Variants in PTH2R observed in about 807,000 individuals in gnomAD.
The protein encoded by PTH2R is PTH2 receptor.
A neutral mutation model predicts 60.3 loss-of-function variants in PTH2R; 59 were observed. The observed-to-expected ratio is 0.98, with a 90% confidence interval of 0.79 to 1.22. PTH2R has a LOEUF of 1.22. PTH2R is among the 50% of genes most tolerant of loss of function. The pLI is 0.00. For synonymous variants in PTH2R, 256 were observed against 243.8 expected (o/e 1.05, Z -0.47); for missense variants, 749 against 682.6 (o/e 1.10, Z -1.08).
At chr2:208,453,794 C>G (rs1702456017) in intron 8 of PTH2R, among the ~76,000 whole-genome samples, 2 of 152,194 alleles carry the variant, frequency 1.3e-5, no homozygotes, top group South Asian at 2.1e-4. Context: ...ATGACTAATG[C>G]TGTGAGTTTG....
At chr2:208,365,676 G>T (rs756208833) in intron 1 of PTH2R, among the ~76,000 whole-genome samples, 1 of 149,964 alleles carries the variant, frequency 6.7e-6, no homozygotes, top group African/African-American at 2.4e-5. Context: ...CACTAATGCT[G>T]CCCCTCAAAG....
At chr2:208,441,496 A>C (rs1379190594) in intron 4 of PTH2R, among the ~76,000 whole-genome samples, 1 of 152,246 alleles carries the variant, frequency 6.6e-6, no homozygotes, top group Non-Finnish European at 1.5e-5. Flanking sequence ...GAGTTTCCCC[A>C]TTTAGTCTAT....
intron 1 of PTH2R, among the ~76,000 whole-genome samples, chr2:208,384,382 T>C (rs1288787172): frequency 6.6e-6 from 1 of 152,200 alleles, no homozygotes; most frequent in Non-Finnish European, 1.5e-5. Context: ...GATCGTGATA[T>C]CCAGTTTGAG....
chr2:208,412,070 C>A (rs577072169), intron 1 of PTH2R, among the ~76,000 whole-genome samples: 9 of 152,162 alleles, frequency 5.9e-5, no homozygotes, highest in Non-Finnish European at 1.3e-4. Flanking sequence ...TTTTCTCTTC[C>A]TTTTATTTCT....
At chr2:208,421,288 T>A (rs992301543) in intron 1 of PTH2R, among the ~76,000 whole-genome samples, 8 of 152,126 alleles carry the variant, frequency 5.3e-5, no homozygotes, top group African/African-American at 1.9e-4. Context: ...TCAACTGATC[T>A]TCAGATTTAG....
intron 10 of PTH2R, among the ~76,000 whole-genome samples, chr2:208,484,178 A>G (rs564738553): frequency 1.3e-5 from 2 of 152,370 alleles, no homozygotes; most frequent in South Asian, 4.1e-4. Context: ...CATGCATACT[A>G]CTATGAAAAA....
chr2:208,386,662 T>G lies in PTH2R; in HGVS notation c.-259+26425T>G, dbSNP rs1701008202. ...AGTCTGGGAAATCCAAGGTCAAGAT[T>G]AGTTTCTGGTGAGAGCAGTCTTCCT... On this transcript the variant is annotated intron_variant, in intron 1 of 12. Coordinates refer to the PTH2R transcript ENST00000617735. Among the ~76,000 whole-genome samples the G allele has an allele frequency of 2.6e-5, 4 of 152,282 alleles. No homozygotes were observed. In the South Asian group the frequency reaches 8.3e-4, roughly 32 times the overall value.
At chr2:208,389,398 C>T (rs1005392877) in intron 1 of PTH2R, among the ~76,000 whole-genome samples, 4 of 152,136 alleles carry the variant, frequency 2.6e-5, no homozygotes, top group Admixed American at 1.3e-4. Context: ...TTAATTAACT[C>T]GATCAATTGT....
In PTH2R at chr2:208,362,834, ATTAGT is replaced by A. The variant is rs1225962357; in HGVS notation, c.-259+2598_-259+2602del. Reference sequence around the variant, plus strand: ...TTTCTCTACATCCATACCAACACTTATTAGTGTGTGTGTGTGTGTGTGTGTGTGTT... The same window carrying A: ...TTTCTCTACATCCATACCAACACTTAGTGTGTGTGTGTGTGTGTGTGTGTT... On this transcript the variant is annotated intron_variant, in intron 1 of 12. Coordinates refer to the PTH2R transcript ENST00000617735. Among the ~76,000 whole-genome samples the A allele has an allele frequency of 5.5e-5, 3 of 54,062 alleles. No homozygotes were observed. The East Asian group carries it at 1.6e-3, about 29-fold the overall frequency. 35.5% of individuals were successfully genotyped at this position (54,062 alleles called of 152,430 possible).
intron 8 of PTH2R, among the ~76,000 whole-genome samples, chr2:208,451,781 C>T (rs1321115238): frequency 6.6e-6 from 1 of 152,104 alleles, no homozygotes; most frequent in Non-Finnish European, 1.5e-5. Context: ...TTTAATGTGT[C>T]ATTTTAAAGT....
chr2:208,490,565 C>A, intron 11 of PTH2R, 74 bp from the exon 12 acceptor site: 1 of 1,455,630 alleles, frequency 6.9e-7, no homozygotes, highest in Non-Finnish European at 9.4e-7. Flanking sequence ...TGGACGTACA[C>A]ATTTTGGCAC....
chr2:208,383,775 T>G (rs1011315052), intron 1 of PTH2R, among the ~76,000 whole-genome samples: 3 of 152,232 alleles, frequency 2.0e-5, no homozygotes, highest in East Asian at 1.9e-4. Context: ...TGAACACAGT[T>G]GAATATCACT....
chr2:208,482,819 T>A (rs1488814907), intron 10 of PTH2R, among the ~76,000 whole-genome samples: 1 of 152,090 alleles, frequency 6.6e-6, no homozygotes, highest in Non-Finnish European at 1.5e-5. Context: ...ATGCGTCCGT[T>A]TATAGGCTCT....
At chr2:208,437,707 A>G in intron 3 of PTH2R, 53 bp from the exon 4 acceptor site, 6 of 1,603,938 alleles carry the variant, frequency 3.7e-6, no homozygotes, top group African/African-American at 1.3e-5. Context: ...CATTTTCTTG[A>G]TAATAGATTC....
At chr2:208,394,604 C>G (rs976015143) in intron 1 of PTH2R, among the ~76,000 whole-genome samples, 6 of 152,128 alleles carry the variant, frequency 3.9e-5, no homozygotes, top group African/African-American at 1.2e-4. Context: ...CCTTTTATTT[C>G]CTTTTGACCT....
At chr2:208,464,026 G>A (rs1702686714) in intron 9 of PTH2R, among the ~76,000 whole-genome samples, 1 of 152,222 alleles carries the variant, frequency 6.6e-6, no homozygotes, top group Non-Finnish European at 1.5e-5. Context: ...ATTAACTCTT[G>A]TTGGTAGGAG....
chr2:208,447,853 C>A (rs1489917491), intron 7 of PTH2R, among the ~76,000 whole-genome samples: 1 of 151,946 alleles, frequency 6.6e-6, no homozygotes, highest in Non-Finnish European at 1.5e-5. Flanking sequence ...CTCAGTTTTC[C>A]CATAAATAAG....
chr2:208,485,731 T>A (rs1272760449), intron 10 of PTH2R, among the ~76,000 whole-genome samples: 1 of 152,202 alleles, frequency 6.6e-6, no homozygotes, highest in Non-Finnish European at 1.5e-5. Context: ...CATGGGTGTA[T>A]AAGCCTTGTA....
chr2:208,408,739 A>AG (rs55655810), intron 1 of PTH2R, among the ~76,000 whole-genome samples: 20,936 of 56,122 alleles, frequency 0.37, 2,555 homozygotes, highest in African/African-American at 0.45. Context: ...AGAGAGAGAG[A>AG]AAGAGAGAGA....
Sources: allele counts gnomAD v4.1 joint callset (sites outside exome capture counted in the v4.1 genomes callset), GRCh38; gene constraint gnomAD v4.1.1; transcripts MANE v1.5; gene names NCBI Gene and HGNC (gene_info 2026-07-23, HGNC 2026-07-21).